Variants in GPC5 observed in about 807,000 individuals in gnomAD.
GPC5 encodes glypican-5.
Under a neutral mutation model 53.9 loss-of-function variants are expected in GPC5, and 47 were observed. The ratio of observed to expected loss-of-function variants is 0.87; its 90% confidence interval spans 0.69 to 1.11. The LOEUF is 1.11. Among genes scored for constraint, GPC5 ranks in the 50% most tolerant of loss-of-function variants. The probability of loss-of-function intolerance (pLI) is 0.00; values close to 1 mark genes in which losing one functional copy is unlikely to be tolerated. For missense variants in GPC5, 748 were observed against 713.1 expected (o/e 1.05, Z -0.56); for synonymous variants, 286 against 263.3 (o/e 1.09, Z -0.84).
At chr13:91,991,922 G>A (rs2040460459) in intron 6 of GPC5, among the ~76,000 whole-genome samples, 2 of 152,130 alleles carry the variant, frequency 1.3e-5, no homozygotes, top group Non-Finnish European at 2.9e-5. Flanking sequence ...AATAAAAAAT[G>A]TATTATTGAT....
chr13:91,934,128 G>A (rs1202935689), intron 6 of GPC5, among the ~76,000 whole-genome samples: 1 of 151,872 alleles, frequency 6.6e-6, no homozygotes, highest in Admixed American at 6.6e-5. Context: ...CTTTTATGAA[G>A]TGGCTATAAA....
chr13:91,829,307 A>G (rs2038620180), intron 5 of GPC5, among the ~76,000 whole-genome samples: 1 of 152,086 alleles, frequency 6.6e-6, no homozygotes, highest in South Asian at 2.1e-4. Context: ...CAGAAAAAAG[A>G]CACAATTCAT....
intron 7 of GPC5, among the ~76,000 whole-genome samples, chr13:92,585,426 G>A (rs2139059297): frequency 6.6e-6 from 1 of 152,314 alleles, no homozygotes; most frequent in East Asian, 1.9e-4. Context: ...TTCAGCCAAT[G>A]CCTCCCATTT....
chr13:91,759,762 G>C (rs564361330), intron 5 of GPC5, among the ~76,000 whole-genome samples: 3 of 151,476 alleles, frequency 2.0e-5, no homozygotes, highest in African/African-American at 7.3e-5. Context: ...ATCAATTCTC[G>C]TTGATTGATT....
intron 7 of GPC5, among the ~76,000 whole-genome samples, chr13:92,540,459 A>G (rs977247161): frequency 6.6e-6 from 1 of 151,986 alleles, no homozygotes; most frequent in Admixed American, 6.6e-5. Flanking sequence ...GATAGGGGAT[A>G]CAAGTTATTT....
chr13:92,038,492 C>T (rs2040913889), intron 6 of GPC5, among the ~76,000 whole-genome samples: 1 of 150,188 alleles, frequency 6.7e-6, no homozygotes, highest in Non-Finnish European at 1.5e-5. Flanking sequence ...TCTTATACAC[C>T]AAGTGCTTAA....
chr13:92,766,553 C>T (rs2138743808), intron 7 of GPC5, among the ~76,000 whole-genome samples: 1 of 152,232 alleles, frequency 6.6e-6, no homozygotes, highest in Admixed American at 6.5e-5. Flanking sequence ...TGAAATAAAA[C>T]ATATCAAAGT....
At chr13:92,026,690 G>T in intron 6 of GPC5, among the ~76,000 whole-genome samples, 1 of 151,902 alleles carries the variant, frequency 6.6e-6, no homozygotes, top group South Asian at 2.1e-4. Context: ...TGTTAAAAAA[G>T]TCTTTGCTCT....
intron 6 of GPC5, among the ~76,000 whole-genome samples, chr13:91,927,977 C>A (rs191992427): frequency 1.1e-3 from 174 of 152,240 alleles, no homozygotes; most frequent in African/African-American, 4.1e-3. Context: ...ACATACTCTT[C>A]CTATCAAAAT....
intron 7 of GPC5, among the ~76,000 whole-genome samples, chr13:92,518,430 C>A (rs138627818): frequency 6.6e-6 from 1 of 152,044 alleles, no homozygotes; most frequent in East Asian, 1.9e-4. Context: ...GCAGATCTCT[C>A]GGCAGAAACT....
At chr13:92,678,309 G>A (rs1325308437) in intron 7 of GPC5, among the ~76,000 whole-genome samples, 2 of 152,160 alleles carry the variant, frequency 1.3e-5, no homozygotes, top group African/African-American at 2.4e-5. Flanking sequence ...TAAGTGCTGT[G>A]TCCCCAAAAC....
intron 6 of GPC5, among the ~76,000 whole-genome samples, chr13:92,089,745 C>A (rs1485239609): frequency 6.6e-6 from 1 of 152,114 alleles, no homozygotes; most frequent in Non-Finnish European, 1.5e-5. Flanking sequence ...AGATTAGTTA[C>A]AATGAAAAGA....
At chr13:91,842,688 C>G (rs2038802244) in intron 5 of GPC5, among the ~76,000 whole-genome samples, 1 of 110,612 alleles carries the variant, frequency 9.0e-6, no homozygotes, top group South Asian at 3.2e-4. Flanking sequence ...CTGGGAGACA[C>G]AGCGAGACTC....
intron 6 of GPC5, among the ~76,000 whole-genome samples, chr13:92,128,990 C>T (rs1319835712): frequency 6.6e-6 from 1 of 151,956 alleles, no homozygotes; most frequent in African/African-American, 2.4e-5. Context: ...AAAATAAAAT[C>T]TTCAAGAATA....
At chr13:92,023,074 A>G (rs2040772126) in intron 6 of GPC5, among the ~76,000 whole-genome samples, 1 of 152,088 alleles carries the variant, frequency 6.6e-6, no homozygotes, top group Admixed American at 6.6e-5. Context: ...GCCTATTATA[A>G]TACCTAACAG....
chr13:91,773,366 T>C (rs1387816942), intron 5 of GPC5, among the ~76,000 whole-genome samples: 2 of 152,178 alleles, frequency 1.3e-5, no homozygotes, highest in East Asian at 3.8e-4. Context: ...TTTTGGATTT[T>C]TAAATACTGA....
At chr13:92,420,547 A>G (rs1311130006) in intron 7 of GPC5, among the ~76,000 whole-genome samples, 5 of 152,122 alleles carry the variant, frequency 3.3e-5, no homozygotes, top group African/African-American at 1.2e-4. Flanking sequence ...ATTATTGACT[A>G]TAGTCACCCT....
chr13:91,857,879 T>A (rs1277684960), intron 5 of GPC5, among the ~76,000 whole-genome samples: 1 of 151,602 alleles, frequency 6.6e-6, no homozygotes, highest in Non-Finnish European at 1.5e-5. Context: ...TTCAGATCAC[T>A]ATATGGATTT....
At chr13:92,555,192 T>G (rs535206263) in intron 7 of GPC5, among the ~76,000 whole-genome samples, 35 of 151,530 alleles carry the variant, frequency 2.3e-4, no homozygotes, top group Admixed American at 6.6e-4. Context: ...ACATTATCTG[T>G]TTCTACCAAA....
Sources: allele counts gnomAD v4.1 joint callset (sites outside exome capture counted in the v4.1 genomes callset), GRCh38; gene constraint gnomAD v4.1.1; transcripts MANE v1.5; gene names NCBI Gene and HGNC (gene_info 2026-07-23, HGNC 2026-07-21).